Variants in MYH14 observed in about 807,000 individuals in gnomAD.
MYH14 encodes myosin-14.
MYH14 carries 123 observed loss-of-function variants against 255.5 expected under a neutral mutation model. That is an observed-to-expected ratio of 0.48 (90% CI 0.42 to 0.56). MYH14 has a LOEUF of 0.56. MYH14 is among the 20% of genes least tolerant of loss of function. The pLI is 0.00. For missense variants in MYH14, 2,423 were observed against 2,802.3 expected, an observed-to-expected ratio of 0.86 and a Z score of 3.06; for synonymous variants, 1,095 against 1,161.2, an observed-to-expected ratio of 0.94 and a Z score of 1.16.
rs533271285 is a variant in MYH14 at position 50,300,145 on chromosome 19, C to T, written c.5470-1516C>T. 9.9e-5 allele frequency among the ~76,000 whole-genome samples: 15 copies of T among 152,156 alleles called. No homozygotes were observed. In the South Asian group the frequency reaches 2.5e-3, roughly 25 times the overall value. ...GAAGAGGTTTTCATTAGGAGTAGTG[C>T]ATGAAAGGGCTTCTGGAAGGGCAAA... On this transcript the variant is annotated intron_variant, in intron 39 of 42. Transcript: ENST00000642316.
chr19:50,298,384 AC>A (rs1361665561), intron 39 of MYH14, among the ~76,000 whole-genome samples: 6 of 97,586 alleles, frequency 6.1e-5, no homozygotes, highest in African/African-American at 1.9e-4. Flanking sequence ...CCCAACACAC[AC>A]ACAAACACAC....
In MYH14 at chr19:50,273,601, G is replaced by GTGTGTGTGTGTGTGT. The variant is rs1555772397; in HGVS notation, c.3467+870_3467+871insTGTGTGTGTGTGTGT. 2.9e-3 allele frequency among the ~76,000 whole-genome samples: 401 copies of GTGTGTGTGTGTGTGT among 137,572 alleles called. 1 individual carries two copies. The highest frequency in any genetic ancestry group is 5.1e-3 in the African/African-American group (188 of 37,172). 90.3% of individuals were successfully genotyped at this position (137,572 alleles called of 152,430 possible). On this transcript the variant is annotated intron_variant, in intron 27 of 42. Transcript: ENST00000642316. ...ATCTTAGAGTTGATGGAACATGGGG[G>GTGTGTGTGTGTGTGT]GTGTGTGTGTGTGTGTGTGTGTGTG...
chr19:50,206,634 G>A (rs1317270021), intron 1 of MYH14, among the ~76,000 whole-genome samples: 1 of 152,126 alleles, frequency 6.6e-6, no homozygotes, highest in African/African-American at 2.4e-5. Flanking sequence ...TTGGGGATGG[G>A]AGGAGAGGGT....
intron 2 of MYH14, among the ~76,000 whole-genome samples, chr19:50,212,154 A>G (rs1411172819): frequency 6.6e-6 from 1 of 152,180 alleles, no homozygotes; most frequent in Non-Finnish European, 1.5e-5. Context: ...CCCCACCTCT[A>G]TGGTAGAATC....
Position 50,268,141 on chromosome 19 carries a change from ACCT to A in MYH14, c.2827-17_2827-15del. ...TGGGAGCACTGCCTGCTGACCACTA[ACCT>A]CCCACACACTCCCCAGCTGGAAGAG... On this transcript the variant is annotated splice_polypyrimidine_tract_variant and intron_variant, in intron 23 of 42. Transcript: ENST00000642316. 6.5e-7 allele frequency: 1 copy of A among 1,534,994 alleles called. No individual in the cohort carries two copies. Among genetic ancestry groups the A allele is most frequent in the Non-Finnish European group, 8.8e-7 (1 of 1,142,260 alleles).
At chr19:50,286,291 A>G (rs1341668477) in intron 33 of MYH14, 191 bp from the exon 34 acceptor site, 2 of 587,524 alleles carry the variant, frequency 3.4e-6, no homozygotes, top group African/African-American at 3.7e-5. Flanking sequence ...GATCAGTTTG[A>G]TCCATTCAAG....
At chr19:50,205,616 G>A (rs2031698026) in intron 1 of MYH14, 2 of 152,356 alleles carry the variant, frequency 1.3e-5, no homozygotes, top group Non-Finnish European at 2.9e-5. Flanking sequence ...CCAGGGGAAT[G>A]GGTACGGGGC....
At chr19:50,227,104 A>T in intron 8 of MYH14, 138 bp downstream of exon 8, 3 of 427,418 alleles carry the variant, frequency 7.0e-6, no homozygotes, top group Non-Finnish European at 1.5e-5. Context: ...CGGCATCTGC[A>T]TGGGGAGGGG....
chr19:50,210,546 G>C lies in MYH14; in HGVS notation c.181G>C (p.Glu61Gln), dbSNP rs767057270. Residue 61 changes from glutamate to glutamine, a missense_variant, in exon 2 of 43, where the codon GAG becomes CAG. This residue lies in a region of MYH14 where 238 missense variants were observed against 245.8 expected (regional missense o/e 0.97). Coordinates refer to ENST00000642316, the MANE Select transcript of MYH14 (RefSeq NM_001145809.2). ...TARRLVWVPS[E>Q]LHGFEAAALR... ...CCGGCGTCTCGTGTGGGTGCCTTCG[G>C]AGCTTCACGGGTTCGAGGCGGCGGC... The C allele has an allele frequency of 2.3e-5, 36 of 1,582,360 alleles. No homozygotes were observed. Among genetic ancestry groups the C allele is most frequent in the Admixed American group, 3.6e-5 (2 of 55,140 alleles).
chr19:50,257,551 C>G, intron 18 of MYH14, 65 bp downstream of exon 18: 1 of 1,487,150 alleles, frequency 6.7e-7, no homozygotes, highest in Non-Finnish European at 9.2e-7. Context: ...GGCCTCTGGA[C>G]TTGGCTGGAG....
chr19:50,256,248 C>T (rs569594278), intron 17 of MYH14, among the ~76,000 whole-genome samples: 3 of 152,206 alleles, frequency 2.0e-5, no homozygotes, highest in East Asian at 3.9e-4. Context: ...CACTGTACTC[C>T]AGCCTGGGTG....
rs73068986 is a variant in MYH14, at chr19:50,257,572, T to C, written c.2232+86T>C. 0.17 allele frequency: 223,873 copies of C among 1,321,888 alleles called. 20,313 individuals carry two copies. Among genetic ancestry groups the C allele is most frequent in the East Asian group, 0.22 (8,571 of 39,612 alleles). The allele number at this position is 1,321,888 out of a possible 1,614,324, so 81.9% of individuals were successfully genotyped here. On this transcript the variant is annotated intron_variant, in intron 18 of 42. Transcript: ENST00000642316. The stretch of plus-strand genomic sequence containing the variant: ...TGGACTTGGCTGGAGCCACATCTGA[T>C]TCGAGGACCCTCAAATTAGCTGTGT...
intron 34 of MYH14, among the ~76,000 whole-genome samples, chr19:50,287,907 C>G (rs1372250217): frequency 1.3e-5 from 2 of 152,156 alleles, no homozygotes; most frequent in Non-Finnish European, 2.9e-5. Context: ...CACACACACA[C>G]ACACACAGTG....
chr19:50,230,144 C>T lies in MYH14; in HGVS notation c.875-381C>T, dbSNP rs566863074. Among the ~76,000 whole-genome samples the T allele has an allele frequency of 6.6e-6, 1 of 152,298 alleles. No homozygotes were observed. The highest frequency in any genetic ancestry group is 2.4e-5 in the African/African-American group (1 of 41,562). ...GCCAGGCTGGTCTTGAACTCCTGACCTCAGGTGATCCGCCTGCCTTGGCTT... is the reference window on the plus strand; with the variant it reads ...GCCAGGCTGGTCTTGAACTCCTGACTTCAGGTGATCCGCCTGCCTTGGCTT... On this transcript the variant is annotated intron_variant, in intron 8 of 42. Transcript: ENST00000642316. The surrounding 1 kb of genome is among the most constrained non-coding windows in gnomAD (Gnocchi z 4.7).
chr19:50,265,560 C>T (rs969360175), intron 22 of MYH14, among the ~76,000 whole-genome samples: 1 of 151,956 alleles, frequency 6.6e-6, no homozygotes, highest in African/African-American at 2.4e-5. Context: ...GAGGCGTATG[C>T]CTGTAATCCC....
At chr19:50,264,055 C>CAAAAAAAAAAAAA (rs34015428) in intron 22 of MYH14, among the ~76,000 whole-genome samples, 4 of 33,378 alleles carry the variant, frequency 1.2e-4, no homozygotes, top group African/African-American at 4.1e-4. Flanking sequence ...AACTCTGTCT[C>CAAAAAAAAAAAAA]AAAAAAAAAA....
At position 50,310,073 on chromosome 19, in the gene MYH14, T is replaced by A; in HGVS notation, c.*283T>A. ...GCAAGCTGTGTTTCCATCAGCTCCC[T>A]GTCCTCCTTTCTTCCCTCGTTATTG... On this transcript the variant is annotated 3_prime_UTR_variant, in exon 43 of 43. Transcript: ENST00000642316. The A allele has an allele frequency of 1.9e-6, 1 of 539,092 alleles. No individual in the cohort carries two copies. The highest frequency in any genetic ancestry group is 3.3e-6 in the Non-Finnish European group (1 of 303,902). 33.4% of individuals were successfully genotyped at this position (539,092 alleles called of 1,614,324 possible). A position where few individuals can be genotyped will look rare whatever the true frequency, so the allele number is the denominator to read the frequency against.
rs900284650 is a variant in MYH14, at chr19:50,249,142, C to T, written c.1482+3C>T. On this transcript the variant is annotated splice_donor_region_variant and intron_variant, in intron 13 of 42. Transcript: ENST00000642316. Reference sequence around the variant, plus strand: ...TCGCGGGCTTTGAGATCTTCCAGGTCCACCCTTGTGCTGGGAGGGGGATGC... The same window carrying T: ...TCGCGGGCTTTGAGATCTTCCAGGTTCACCCTTGTGCTGGGAGGGGGATGC... 10 of 1,573,708 alleles carry T rather than the reference C, an allele frequency of 6.4e-6. No homozygotes were observed. The highest frequency in any genetic ancestry group is 7.8e-6 in the Non-Finnish European group (9 of 1,158,752).
chr19:50,290,818 T>C, intron 35 of MYH14, 69 bp from the exon 36 acceptor site: 1 of 1,478,172 alleles, frequency 6.8e-7, no homozygotes, highest in Non-Finnish European at 9.1e-7. Context: ...CAGACATCCA[T>C]GTCCCTAGCA....
Sources: gnomAD v4.1 joint callset for allele counts (sites outside exome capture counted in the v4.1 genomes callset) on GRCh38, gnomAD v4.1.1 for gene constraint, gnomAD v4.1.1 regional missense constraint, Gnocchi (gnomAD v3.1) non-coding constraint, MANE v1.5 for transcripts, NCBI Gene and HGNC (gene_info 2026-07-23, HGNC 2026-07-21) for gene names.